MINDY4: variants seen among roughly 807,000 people sequenced by gnomAD.
MINDY4 encodes the protein MINDY lysine 48 deubiquitinase 4.
In MINDY4, 68 loss-of-function variants were observed where a neutral mutation model predicts 87.0. The ratio of observed to expected loss-of-function variants is 0.78; its 90% CI spans 0.64 to 0.96. The LOEUF (loss-of-function observed/expected upper bound fraction) is 0.96, where lower values mean the gene tolerates loss of function less well. Among genes scored for constraint, MINDY4 ranks in the 40% least tolerant of loss-of-function variants. MINDY4 has a pLI of 0.00. For missense variants in MINDY4, 919 were observed against 928.2 expected, an observed-to-expected ratio of 0.99 and a Z score of 0.13; for synonymous variants, 379 against 363.2, an observed-to-expected ratio of 1.04 and a Z score of -0.50.
chr7:30,883,148 C>T (rs1012722825), intron 17 of MINDY4, among the ~76,000 whole-genome samples, 155 bp downstream of exon 17: 1 of 152,174 alleles, frequency 6.6e-6, no homozygotes, highest in African/African-American at 2.4e-5. Flanking sequence ...TTTCTCCACT[C>T]GTGGTCACTG....
At position 30,859,292 on chromosome 7, in the gene MINDY4, C is replaced by A. The variant is rs780981862; in HGVS notation, c.1713C>A (p.Thr571=). 5.6e-6 allele frequency: 9 copies of A among 1,614,028 alleles called. No homozygotes were observed. Among genetic ancestry groups the A allele is most frequent in the Non-Finnish European group, 7.6e-6 (9 of 1,180,036 alleles). ...EVGPYGCILL[T]LSAILSRSTE... ...GCCCCTATGGCTGCATCCTGCTCAC[C>A]CTTTCTGCCATCCTGTCCAGGTCTA... Residue 571 remains threonine, a synonymous_variant, in exon 13 of 18, where the codon ACC becomes ACA. Coordinates refer to ENST00000265299, the MANE Select transcript of MINDY4 (RefSeq NM_032222.3).
In MINDY4 at chr7:30,809,789, A is replaced by G. The variant is rs1787927712; in HGVS notation, c.1073+18215A>G. On this transcript the variant is annotated intron_variant, in intron 5 of 17. Coordinates refer to ENST00000265299, the MANE Select transcript of MINDY4 (RefSeq NM_032222.3). Reference sequence around the variant, plus strand: ...AAGAATGGTTATCATCTTCGAAAAAAAAAAGGGGGAAAAAAAAGGGGGGCA... The same window carrying G: ...AAGAATGGTTATCATCTTCGAAAAAGAAAAGGGGGAAAAAAAAGGGGGGCA... 2.7e-5 allele frequency among the ~76,000 whole-genome samples: 4 copies of G among 148,900 alleles called. No individual in the cohort carries two copies. In the South Asian group the frequency reaches 8.4e-4, roughly 31 times the overall value.
chr7:30,860,266 C>T (rs142386284), intron 13 of MINDY4, among the ~76,000 whole-genome samples: 10 of 152,186 alleles, frequency 6.6e-5, no homozygotes, highest in African/African-American at 1.2e-4. Flanking sequence ...TGGGTCTGGT[C>T]GGCGCCCTCC....
chr7:30,869,314 A>T (rs1411678549), intron 13 of MINDY4, among the ~76,000 whole-genome samples: 1 of 152,180 alleles, frequency 6.6e-6, no homozygotes, highest in African/African-American at 2.4e-5. Context: ...GAGGAGAAGG[A>T]TGGGACAAGC....
chr7:30,860,849 C>T (rs1256333075), intron 13 of MINDY4, among the ~76,000 whole-genome samples: 2 of 152,176 alleles, frequency 1.3e-5, no homozygotes, highest in Non-Finnish European at 2.9e-5. Flanking sequence ...TCAAGCTGGG[C>T]ACCTGTGGGG....
At position 30,839,306 on chromosome 7, in the gene MINDY4, T is replaced by C. The variant is rs1788962348; in HGVS notation, c.1346T>C (p.Val449Ala). ...SNTASLKYGIVQNKGGPCGVL... is the reference protein window; with the variant it reads ...SNTASLKYGIAQNKGGPCGVL... ...ACAGCCTCATTAAAATACGGCATAGTGCAGAACAAGGCAGGTTGCTCCTAG... is the reference window on the plus strand; with the variant it reads ...ACAGCCTCATTAAAATACGGCATAGCGCAGAACAAGGCAGGTTGCTCCTAG... The change falls in exon 8 of 18, where the codon GTG (valine) becomes GCG (alanine). Residue 449 changes from valine to alanine, a missense_variant. Physicochemically the swap from Val to Ala is moderately conservative, Grantham distance 64. Transcript: ENST00000265299. 2.5e-6 allele frequency: 4 copies of C among 1,598,216 alleles called. No homozygotes were observed. The highest frequency in any genetic ancestry group is 3.4e-6 in the Non-Finnish European group (4 of 1,172,998).
chr7:30,774,841 A>G (rs187390427), intron 1 of MINDY4, among the ~76,000 whole-genome samples: 60 of 151,994 alleles, frequency 3.9e-4, no homozygotes, highest in Admixed American at 2.0e-3. Flanking sequence ...TCAAGGACTT[A>G]GTTTATGGCT....
rs560387456 is a variant in MINDY4, at chr7:30,872,381, T to G, written c.1809+75T>G. 13 of 1,376,814 alleles carry G rather than the reference T, an allele frequency of 9.4e-6. 1 individual carries two copies. The South Asian group carries it at 1.4e-4, about 15-fold the overall frequency. The allele number at this position is 1,376,814 out of a possible 1,614,324, so 85.3% of individuals were successfully genotyped here. On this transcript the variant is annotated intron_variant, in intron 14 of 17. Coordinates refer to ENST00000265299, the MANE Select transcript of MINDY4 (RefSeq NM_032222.3). ...TCAGAGAGGGAGAGGTCCTCCTCCCTCCTCTTGCCCCAGAAAAAGACAAGT... is the reference window on the plus strand; with the variant it reads ...TCAGAGAGGGAGAGGTCCTCCTCCCGCCTCTTGCCCCAGAAAAAGACAAGT...
intron 2 of MINDY4, chr7:30,780,413 C>G (rs1215857994): frequency 6.6e-6 from 1 of 152,094 alleles, no homozygotes; most frequent in East Asian, 1.9e-4. Flanking sequence ...TTTTTATTCC[C>G]TCATTGTAAT....
In MINDY4 at chr7:30,859,045, C is replaced by T. The variant is rs1209998622; in HGVS notation, c.1678-212C>T. The T allele has an allele frequency of 8.4e-6, 6 of 713,016 alleles. No individual in the cohort carries two copies. The East Asian group carries it at 1.4e-4, about 16-fold the overall frequency. The allele number at this position is 713,016 out of a possible 1,614,324, so 44.2% of individuals were successfully genotyped here. ...ATGCTCTCTTTGGTGGCCCCTGCAT[C>T]ACCCTCGCTCTGCTGTCATTGTCAT... On this transcript the variant is annotated intron_variant, in intron 12 of 17. Transcript: ENST00000265299.
intron 4 of MINDY4, among the ~76,000 whole-genome samples, chr7:30,787,012 T>TTAGGTG (rs1787178343): frequency 6.6e-6 from 1 of 152,204 alleles, no homozygotes; most frequent in Non-Finnish European, 1.5e-5. Flanking sequence ...TGCTGTATGT[T>TTAGGTG]TAGGTGTGGG....
chr7:30,878,751 C>A (rs1260484290), intron 15 of MINDY4, among the ~76,000 whole-genome samples: 1 of 152,080 alleles, frequency 6.6e-6, no homozygotes, highest in East Asian at 1.9e-4. Flanking sequence ...GCTTGACGGG[C>A]AAGAGTTCTG....
rs1787932407 is a variant in MINDY4, at chr7:30,809,932, C to G, written c.1073+18358C>G. On this transcript the variant is annotated intron_variant, in intron 5 of 17. Coordinates refer to ENST00000265299, the MANE Select transcript of MINDY4 (RefSeq NM_032222.3). ...GTGGCTCACGTCTGTAATCCCAGCC[C>G]TTTGGGAGGCCGAGGTGGGTGGATC... Among the ~76,000 whole-genome samples, 4 of 152,062 alleles carry G rather than the reference C, an allele frequency of 2.6e-5. No individual in the cohort carries two copies. The East Asian group carries it at 7.7e-4, about 29-fold the overall frequency.
At chr7:30,807,882 C>T (rs7808845) in intron 5 of MINDY4, among the ~76,000 whole-genome samples, 3 of 152,262 alleles carry the variant, frequency 2.0e-5, no homozygotes, top group Non-Finnish European at 4.4e-5. Flanking sequence ...ATTGCTCACT[C>T]GGGGAGCTCG....
At chr7:30,785,269 GAC>G (rs3138796) in intron 3 of MINDY4, among the ~76,000 whole-genome samples, 10,900 of 138,316 alleles carry the variant, frequency 0.079, 702 homozygotes, top group East Asian at 0.36. Flanking sequence ...CTCTCTCTCT[GAC>G]ACACACACAC....
At chr7:30,861,216 G>A (rs979269245) in intron 13 of MINDY4, among the ~76,000 whole-genome samples, 1 of 152,246 alleles carries the variant, frequency 6.6e-6, no homozygotes, top group African/African-American at 2.4e-5. Flanking sequence ...CATGGATTGG[G>A]CTTTGTCTTA....
At chr7:30,784,775 C>G (rs569720834) in intron 3 of MINDY4, among the ~76,000 whole-genome samples, 2 of 152,110 alleles carry the variant, frequency 1.3e-5, no homozygotes, top group East Asian at 1.9e-4. Context: ...CCTGACATGC[C>G]GCAATCACAA....
chr7:30,873,998 G>A (rs1790186859), intron 14 of MINDY4, among the ~76,000 whole-genome samples: 1 of 152,182 alleles, frequency 6.6e-6, no homozygotes, highest in Non-Finnish European at 1.5e-5. Flanking sequence ...TGGGGCAGGG[G>A]TATTGGTGTT....
intron 3 of MINDY4, among the ~76,000 whole-genome samples, chr7:30,784,203 A>C (rs1554277548): frequency 6.6e-6 from 1 of 152,166 alleles, no homozygotes; most frequent in Non-Finnish European, 1.5e-5. Flanking sequence ...TGGGAAGTGA[A>C]ATACTTCTGG....
Sources: gnomAD v4.1 joint callset for allele counts (sites outside exome capture counted in the v4.1 genomes callset) on GRCh38, gnomAD v4.1.1 for gene constraint, MANE v1.5 for transcripts, NCBI Gene and HGNC (gene_info 2026-07-23, HGNC 2026-07-21) for gene names.